Variants in C1orf21 observed in about 807,000 individuals in gnomAD.
C1orf21 encodes uncharacterized protein C1orf21.
In C1orf21, 3 loss-of-function variants were observed where a neutral mutation model predicts 18.7. The ratio of observed to expected loss-of-function variants is 0.16; its 90% CI spans 0.07 to 0.42. The LOEUF is 0.42. Among genes scored for constraint, C1orf21 ranks in the 10% least tolerant of loss-of-function variants. C1orf21 has a pLI of 0.99. For missense variants in C1orf21, 104 were observed against 143.6 expected, an observed-to-expected ratio of 0.72 and a Z score of 1.41; for synonymous variants, 41 against 46.4, an observed-to-expected ratio of 0.88 and a Z score of 0.47.
chr1:184,600,698 C>G (rs1220366802), intron 5 of C1orf21, among the ~76,000 whole-genome samples: 1 of 152,196 alleles, frequency 6.6e-6, no homozygotes, highest in Non-Finnish European at 1.5e-5. Flanking sequence ...AACATAAACA[C>G]TGTTTCCACT....
In C1orf21 at chr1:184,621,142, A is replaced by G. The variant is rs1252892702; in HGVS notation, c.*1586A>G. On this transcript the variant is annotated 3_prime_UTR_variant, in exon 6 of 6. Transcript: ENST00000235307. ...AAGATGAGCCTCGATTTTAAAATCT[A>G]TCCACATCCAACTGATGGCACCATT... The G allele has an allele frequency of 6.6e-6, 1 of 152,438 alleles. No homozygotes were observed. Among genetic ancestry groups the G allele is most frequent in the Non-Finnish European group, 1.5e-5 (1 of 68,042 alleles). 9.4% of individuals were successfully genotyped at this position (152,438 alleles called of 1,614,324 possible).
chr1:184,467,898 A>G (rs1175149670), intron 1 of C1orf21, among the ~76,000 whole-genome samples: 1 of 152,190 alleles, frequency 6.6e-6, no homozygotes, highest in Admixed American at 6.5e-5. Context: ...ATTTGCCCAG[A>G]GACACAAAAC....
chr1:184,571,068 C>T, intron 3 of C1orf21, among the ~76,000 whole-genome samples: 1 of 151,910 alleles, frequency 6.6e-6, no homozygotes, highest in Non-Finnish European at 1.5e-5. Context: ...CCGAGGCGGG[C>T]GGATCACGAG....
intron 1 of C1orf21, among the ~76,000 whole-genome samples, chr1:184,399,356 ATTTTTTTTTT>A (rs59376994): frequency 1.3e-5 from 1 of 79,082 alleles, no homozygotes; most frequent in Non-Finnish European, 2.6e-5. Context: ...ATGTACTTCT[ATTTTTTTTTT>A]TTTTTTTTTT....
chr1:184,468,026 GAAAC>G (rs1262856265), intron 1 of C1orf21, among the ~76,000 whole-genome samples: 3 of 151,848 alleles, frequency 2.0e-5, no homozygotes, highest in Non-Finnish European at 4.4e-5. Context: ...GAGAGAGAGA[GAAAC>G]AGACAGACAA....
chr1:184,425,346 G>A (rs767935569), intron 1 of C1orf21, among the ~76,000 whole-genome samples: 16 of 151,346 alleles, frequency 1.1e-4, no homozygotes, highest in Non-Finnish European at 1.3e-4. Context: ...TGGCCCTGCA[G>A]CCTCCACCTC....
At chr1:184,566,674 T>C (rs745900379) in intron 3 of C1orf21, 19 of 390,724 alleles carry the variant, frequency 4.9e-5, no homozygotes, top group Non-Finnish European at 9.7e-5. Flanking sequence ...TTCACCCATG[T>C]GGTAGCCAAG....
In C1orf21 at chr1:184,387,493, A is replaced by G; in HGVS notation, c.-125+125A>G. The stretch of plus-strand genomic sequence containing the variant: ...GCCTGCGGGGTGTCTGCCGCACGGA[A>G]GGGATGGGAGCCGCGGTCGTGGCGC... On this transcript the variant is annotated intron_variant, in intron 1 of 5. Transcript: ENST00000235307. The surrounding 1 kb of genome is among the most constrained non-coding windows in gnomAD (Gnocchi z 5.6). The G allele has an allele frequency of 6.6e-6, 1 of 151,452 alleles. No homozygotes were observed. The highest frequency in any genetic ancestry group is 2.0e-4 in the South Asian group (1 of 4,912). The allele number at this position is 151,452 out of a possible 1,614,324, so 9.4% of individuals were successfully genotyped here.
chr1:184,567,157 T>C, intron 3 of C1orf21: 1 of 476,878 alleles, frequency 2.1e-6, no homozygotes, highest in Non-Finnish European at 4.2e-6. Context: ...ATGAAGGTGG[T>C]TACTGGTGTG....
At chr1:184,451,428 C>G (rs1657120180) in intron 1 of C1orf21, among the ~76,000 whole-genome samples, 1 of 150,386 alleles carries the variant, frequency 6.6e-6, no homozygotes, top group Non-Finnish European at 1.5e-5. Flanking sequence ...GTAGCTGGGA[C>G]TGTAGGCATA....
intron 2 of C1orf21, among the ~76,000 whole-genome samples, chr1:184,489,802 G>A (rs1657790929): frequency 6.6e-6 from 1 of 152,198 alleles, no homozygotes; most frequent in South Asian, 2.1e-4. Context: ...TTCTGTGTGA[G>A]TGCATAAAAG....
At chr1:184,540,591 G>A (rs974200584) in intron 3 of C1orf21, among the ~76,000 whole-genome samples, 7 of 152,042 alleles carry the variant, frequency 4.6e-5, no homozygotes, top group Non-Finnish European at 1.0e-4. Context: ...CACCATGCCC[G>A]GCTAAGGTTT....
At chr1:184,505,340 T>TACAC (rs1553253570) in intron 2 of C1orf21, among the ~76,000 whole-genome samples, 1 of 118,708 alleles carries the variant, frequency 8.4e-6, no homozygotes, top group East Asian at 2.3e-4. Context: ...TATATATATA[T>TACAC]ACACACATGC....
chr1:184,456,841 T>C (rs964183133), intron 1 of C1orf21, among the ~76,000 whole-genome samples: 14 of 152,230 alleles, frequency 9.2e-5, no homozygotes, highest in African/African-American at 3.4e-4. Flanking sequence ...TGACAATCAC[T>C]TCATTGAAGA....
At chr1:184,555,196 GAATA>G (rs1204069080) in intron 3 of C1orf21, among the ~76,000 whole-genome samples, 1 of 152,134 alleles carries the variant, frequency 6.6e-6, no homozygotes, top group African/African-American at 2.4e-5. Context: ...TGGAATGAAT[GAATA>G]AACAAATAAA....
chr1:184,476,303 A>C (rs368849065), intron 1 of C1orf21, among the ~76,000 whole-genome samples: 1 of 152,148 alleles, frequency 6.6e-6, no homozygotes, highest in Non-Finnish European at 1.5e-5. Flanking sequence ...GTGGGTGCTG[A>C]TGAAGATTCA....
At chr1:184,462,806 G>T (rs1416682389) in intron 1 of C1orf21, among the ~76,000 whole-genome samples, 1 of 152,118 alleles carries the variant, frequency 6.6e-6, no homozygotes, top group Admixed American at 6.5e-5. Context: ...GTTCGGCCGG[G>T]TGTGGTGGCT....
At chr1:184,421,047 C>T (rs1656539518) in intron 1 of C1orf21, among the ~76,000 whole-genome samples, 1 of 152,134 alleles carries the variant, frequency 6.6e-6, no homozygotes, top group African/African-American at 2.4e-5. Flanking sequence ...CATCTATTAA[C>T]TTCATAGTTT....
At chr1:184,577,624 TCTGCCTGTAA>T (rs1457995059) in intron 3 of C1orf21, among the ~76,000 whole-genome samples, 1 of 152,162 alleles carries the variant, frequency 6.6e-6, no homozygotes, top group Non-Finnish European at 1.5e-5. Context: ...AGAAAAATGA[TCTGCCTGTAA>T]GAAAAACTAG....
Sources: gnomAD v4.1 joint callset for allele counts (sites outside exome capture counted in the v4.1 genomes callset) on GRCh38, gnomAD v4.1.1 for gene constraint, Gnocchi (gnomAD v3.1) non-coding constraint, MANE v1.5 for transcripts, NCBI Gene and HGNC (gene_info 2026-07-23, HGNC 2026-07-21) for gene names.